Variants in CNIH1 observed in about 807,000 individuals in gnomAD.
CNIH1 encodes the protein cornichon family member 1, also known as protein cornichon homolog 1.
CNIH1 carries 12 observed loss-of-function variants against 20.2 expected under a neutral mutation model. The observed-to-expected ratio is 0.59, with a 90% confidence interval of 0.38 to 0.96. The LOEUF is 0.96. Ranked by LOEUF, CNIH1 falls within the 40% of genes least tolerant of loss-of-function variation. The pLI is 0.00. For missense variants in CNIH1, 152 were observed against 178.8 expected, an observed-to-expected ratio of 0.85 and a Z score of 0.85; for synonymous variants, 69 against 63.3, an observed-to-expected ratio of 1.09 and a Z score of -0.43.
intron 3 of CNIH1, among the ~76,000 whole-genome samples, chr14:54,431,199 G>C (rs1337662344): frequency 6.6e-6 from 1 of 151,818 alleles, no homozygotes; most frequent in African/African-American, 2.4e-5. Context: ...CACGATCTTG[G>C]CTAACTGCAA....
At chr14:54,438,762 G>C (rs1264028235) in intron 1 of CNIH1, among the ~76,000 whole-genome samples, 2 of 152,206 alleles carry the variant, frequency 1.3e-5, no homozygotes, top group Admixed American at 6.5e-5. Context: ...CCAAATCTCA[G>C]GTTGAAATCT....
At chr14:54,436,592 A>G (rs2031058087) in intron 1 of CNIH1, 155 bp from the exon 2 acceptor site, 1 of 599,994 alleles carries the variant, frequency 1.7e-6, no homozygotes, top group Non-Finnish European at 3.0e-6. Context: ...TATATGACAA[A>G]AAGAACCAGA....
At chr14:54,429,458 T>C (rs934272388) in intron 4 of CNIH1, among the ~76,000 whole-genome samples, 10 of 151,310 alleles carry the variant, frequency 6.6e-5, no homozygotes, top group African/African-American at 2.4e-4. Context: ...TCCATGAGAG[T>C]ATAAAAGGAA....
Position 54,423,690 on chromosome 14 carries a change from C to T in CNIH1, c.*4124G>A, listed in dbSNP as rs983578767. ...TAAGGTTAGCTTAGATTTGAACAAACCATGAGCAGACAGCTAACTACATGT... is the reference window on the plus strand; with the variant it reads ...TAAGGTTAGCTTAGATTTGAACAAATCATGAGCAGACAGCTAACTACATGT... On this transcript the variant is annotated 3_prime_UTR_variant, in exon 5 of 5. Transcript: ENST00000216416. The T allele has an allele frequency of 6.6e-6, 1 of 152,188 alleles. No individual in the cohort carries two copies. Among genetic ancestry groups the T allele is most frequent in the Admixed American group, 6.5e-5 (1 of 15,276 alleles). 9.4% of individuals were successfully genotyped at this position (152,188 alleles called of 1,614,324 possible). A position where few individuals can be genotyped will look rare whatever the true frequency, so the allele number is the denominator to read the frequency against.
chr14:54,428,297 A>G (rs925828395), intron 4 of CNIH1, among the ~76,000 whole-genome samples: 2 of 152,192 alleles, frequency 1.3e-5, no homozygotes, highest in African/African-American at 4.8e-5. Flanking sequence ...ATGATCAATC[A>G]AGGATCTTTC....
At chr14:54,438,855 T>C (rs2031108583) in intron 1 of CNIH1, among the ~76,000 whole-genome samples, 1 of 152,206 alleles carries the variant, frequency 6.6e-6, no homozygotes. Flanking sequence ...TGGTGTCATC[T>C]TGGAGGGAAT....
intron 1 of CNIH1, 125 bp downstream of exon 1, chr14:54,441,122 T>G (rs1340383346): frequency 5.9e-5 from 58 of 984,208 alleles, no homozygotes; most frequent in Admixed American, 1.5e-4. Context: ...GCGCGGCCCG[T>G]GCCAGCCGGG....
Position 54,427,103 on chromosome 14 carries a change from C to T in CNIH1, c.*711G>A, listed in dbSNP as rs1002014853. On this transcript the variant is annotated 3_prime_UTR_variant, in exon 5 of 5. Transcript: ENST00000216416. Reference sequence around the variant, plus strand: ...CAATTTCTTAATAAGTAATGTCTTACAAATAAAAACACATTTAAAATAGCT... The same window carrying T: ...CAATTTCTTAATAAGTAATGTCTTATAAATAAAAACACATTTAAAATAGCT... 3 of 150,380 alleles carry T rather than the reference C, an allele frequency of 2.0e-5. No homozygotes were observed. Among genetic ancestry groups the T allele is most frequent in the African/African-American group, 7.3e-5 (3 of 40,866 alleles). 9.3% of individuals were successfully genotyped at this position (150,380 alleles called of 1,614,324 possible). A position where few individuals can be genotyped will look rare whatever the true frequency, so the allele number is the denominator to read the frequency against.
At chr14:54,438,802 G>A (rs778823434) in intron 1 of CNIH1, among the ~76,000 whole-genome samples, 2 of 152,162 alleles carry the variant, frequency 1.3e-5, no homozygotes, top group African/African-American at 4.8e-5. Flanking sequence ...GGGATCTAAC[G>A]GGAGGTGTTT....
At position 54,430,073 on chromosome 14, in the gene CNIH1, T is replaced by G. The variant is rs532129582; in HGVS notation, c.407+188A>C. The G allele has an allele frequency of 7.0e-6, 4 of 573,486 alleles. No homozygotes were observed. The East Asian group carries it at 1.2e-4, about 17-fold the overall frequency. 35.5% of individuals were successfully genotyped at this position (573,486 alleles called of 1,614,324 possible). On this transcript the variant is annotated intron_variant, in intron 4 of 4. Coordinates refer to ENST00000216416, the MANE Select transcript of CNIH1 (RefSeq NM_005776.3). The stretch of plus-strand genomic sequence containing the variant: ...AAACCTTCTGCCTCTGATGGCAGGC[T>G]GGTTTACTGCCTTGACAAGCACCAG...
At position 54,424,073 on chromosome 14, in the gene CNIH1, T is replaced by C. The variant is rs1566714264; in HGVS notation, c.*3741A>G. On this transcript the variant is annotated 3_prime_UTR_variant, in exon 5 of 5. Coordinates refer to ENST00000216416, the MANE Select transcript of CNIH1 (RefSeq NM_005776.3). ...TCAATATATTTAGCAATAGAACCAC[T>C]CTTTTACTTTTGATATCATTCTGAG... 6.6e-6 allele frequency: 1 copy of C among 152,196 alleles called. No individual in the cohort carries two copies. Among genetic ancestry groups the C allele is most frequent in the Non-Finnish European group, 1.5e-5 (1 of 68,032 alleles). The allele number at this position is 152,196 out of a possible 1,614,324, so 9.4% of individuals were successfully genotyped here. A position where few individuals can be genotyped will look rare whatever the true frequency, so the allele number is the denominator to read the frequency against.
At chr14:54,434,154 T>TC (rs2031004516) in intron 2 of CNIH1, among the ~76,000 whole-genome samples, 1 of 152,204 alleles carries the variant, frequency 6.6e-6, no homozygotes, top group South Asian at 2.1e-4. Flanking sequence ...ATATTTGTCT[T>TC]CCCCCATACT....
chr14:54,440,968 GGCGCCCGCCTGGACC>G (rs2031159012), intron 1 of CNIH1, among the ~76,000 whole-genome samples: 1 of 151,500 alleles, frequency 6.6e-6, no homozygotes, highest in Non-Finnish European at 1.5e-5. Flanking sequence ...CGGAACCGCG[GGCGCCCGCCTGGACC>G]GCGGCCGCCC....
intron 1 of CNIH1, among the ~76,000 whole-genome samples, chr14:54,437,911 A>C (rs1402206321): frequency 6.6e-6 from 1 of 152,192 alleles, no homozygotes; most frequent in Non-Finnish European, 1.5e-5. Flanking sequence ...GATCCAACTT[A>C]ACAGAATACA....
chr14:54,431,798 G>A (rs2030951101), intron 3 of CNIH1, among the ~76,000 whole-genome samples: 2 of 152,118 alleles, frequency 1.3e-5, no homozygotes, highest in Admixed American at 6.5e-5. Context: ...GGCTACAACT[G>A]TTGTGTATCT....
intron 1 of CNIH1, among the ~76,000 whole-genome samples, chr14:54,440,008 C>T (rs963770154): frequency 6.6e-6 from 1 of 152,218 alleles, no homozygotes; most frequent in Non-Finnish European, 1.5e-5. Context: ...ATTTCCGACA[C>T]AGTTAATAGC....
chr14:54,427,614 A>C lies in CNIH1; in HGVS notation c.*200T>G, dbSNP rs1470221166. 4 of 578,474 alleles carry C rather than the reference A, an allele frequency of 6.9e-6. No homozygotes were observed. The highest frequency in any genetic ancestry group is 1.2e-5 in the Non-Finnish European group (4 of 327,732). The allele number at this position is 578,474 out of a possible 1,614,324, so 35.8% of individuals were successfully genotyped here. A position where few individuals can be genotyped will look rare whatever the true frequency, so the allele number is the denominator to read the frequency against. ...TAATTTATACGTAATACCATTTAAA[A>C]TCTTTATCTGAGTATAACATATGAA... On this transcript the variant is annotated 3_prime_UTR_variant, in exon 5 of 5. Coordinates refer to ENST00000216416, the MANE Select transcript of CNIH1 (RefSeq NM_005776.3).
chr14:54,430,172 A>G (rs2030905308), intron 4 of CNIH1, 89 bp downstream of exon 4: 8 of 1,347,546 alleles, frequency 5.9e-6, no homozygotes, highest in Admixed American at 1.9e-5. Context: ...TTATTCTTCA[A>G]ATGGATTTTG....
chr14:54,439,379 G>A (rs1362541200), intron 1 of CNIH1, among the ~76,000 whole-genome samples: 9 of 151,598 alleles, frequency 5.9e-5, no homozygotes, highest in Admixed American at 5.9e-4. Flanking sequence ...TTGAAAGTGC[G>A]GTTCAGGTTT....
Sources: gnomAD v4.1 joint callset for allele counts (sites outside exome capture counted in the v4.1 genomes callset) on GRCh38, gnomAD v4.1.1 for gene constraint, MANE v1.5 for transcripts, NCBI Gene and HGNC (gene_info 2026-07-23, HGNC 2026-07-21) for gene names.